Variants in FBXW7 observed in about 807,000 individuals in gnomAD.
FBXW7 encodes the protein F-box/WD repeat-containing protein 7.
In FBXW7, 11 loss-of-function variants were observed where a neutral mutation model predicts 86.3. The ratio of observed to expected loss-of-function variants is 0.13; its 90% CI spans 0.08 to 0.21. FBXW7 has a LOEUF of 0.21. Ranked by LOEUF, FBXW7 falls within the 10% of genes least tolerant of loss-of-function variation. The probability of loss-of-function intolerance (pLI) is 1.00; values close to 1 mark genes in which losing one functional copy is unlikely to be tolerated. For missense variants in FBXW7, 488 were observed against 847.4 expected, an observed-to-expected ratio of 0.58 and a Z score of 5.27; for synonymous variants, 313 against 297.9, an observed-to-expected ratio of 1.05 and a Z score of -0.52.
chr4:152,480,272 T>C (rs1744760773), intron 2 of FBXW7, among the ~76,000 whole-genome samples: 1 of 152,144 alleles, frequency 6.6e-6, no homozygotes, highest in Non-Finnish European at 1.5e-5. Flanking sequence ...TCTGTGATCT[T>C]TGATGTTACT....
At chr4:152,512,164 T>C (rs953671125) in intron 2 of FBXW7, among the ~76,000 whole-genome samples, 1 of 152,218 alleles carries the variant, frequency 6.6e-6, no homozygotes, top group South Asian at 2.1e-4. Flanking sequence ...AAATTCTCCA[T>C]ACTACACATA....
intron 4 of FBXW7, among the ~76,000 whole-genome samples, chr4:152,384,055 G>T (rs531256627): frequency 6.6e-6 from 1 of 152,306 alleles, no homozygotes; most frequent in South Asian, 2.1e-4. Flanking sequence ...GGGGAAATCA[G>T]AACCCTTGTG....
chr4:152,525,717 A>T (rs1243005195), intron 2 of FBXW7, among the ~76,000 whole-genome samples: 4 of 152,098 alleles, frequency 2.6e-5, no homozygotes, highest in Admixed American at 2.6e-4. Context: ...GGGCATTTAG[A>T]TTGATTCCAC....
intron 2 of FBXW7, among the ~76,000 whole-genome samples, chr4:152,509,626 AT>A (rs1410533336): frequency 1.3e-5 from 2 of 152,242 alleles, no homozygotes; most frequent in Non-Finnish European, 2.9e-5. Context: ...ACAATCATGA[AT>A]AATCTTATAT....
At chr4:152,323,280 AC>A (rs1728709103) in intron 13 of FBXW7, 131 bp from the exon 14 acceptor site, 5 of 1,083,508 alleles carry the variant, frequency 4.6e-6, no homozygotes, top group Non-Finnish European at 6.4e-6. Context: ...ATATTTAGAA[AC>A]CCATGTCCTC....
chr4:152,337,716 ATTAGCATGACAATGT>A, intron 7 of FBXW7, 71 bp downstream of exon 7: 1 of 1,374,348 alleles, frequency 7.3e-7, no homozygotes, highest in Non-Finnish European at 9.9e-7. Context: ...GAATACCATA[ATTAGCATGACAATGT>A]TTAAAGGTGG....
rs1730304525 is a variant in FBXW7 at position 152,337,834 on chromosome 4, GA to G, written c.828del (p.Gln277AsnfsTer65). 6.2e-7 allele frequency: 1 copy of G among 1,611,994 alleles called. No individual in the cohort carries two copies. The highest frequency in any genetic ancestry group is 1.7e-5 in the Admixed American group (1 of 59,650). On this transcript the variant is annotated frameshift_variant, in exon 7 of 14. Transcript: ENST00000281708. LOFTEE classifies it high-confidence loss of function. ...KHMMQVIEPQ[F>X]QRDFISLLPK... ...GGGAGCAATGAAATGAAGTCTCGTTGAAACTGGGGTTCTATCACTTGCATCA... is the reference window on the plus strand; with the variant it reads ...GGGAGCAATGAAATGAAGTCTCGTTGAACTGGGGTTCTATCACTTGCATCA...
rs10017070 is a variant in FBXW7, at chr4:152,463,063, G to A, written c.-119-50534C>T. ...AGCACTTTGGGAGGCTGAGACAGGTGGGTCACTTGAGGCCAGGAGTTCAAG... is the reference window on the plus strand; with the variant it reads ...AGCACTTTGGGAGGCTGAGACAGGTAGGTCACTTGAGGCCAGGAGTTCAAG... On this transcript the variant is annotated intron_variant, in intron 2 of 13. Transcript: ENST00000281708. 5.1e-3 allele frequency among the ~76,000 whole-genome samples: 775 copies of A among 151,846 alleles called. 4 individuals carry two copies. Among genetic ancestry groups the A allele is most frequent in the African/African-American group, 0.018 (745 of 41,404 alleles).
chr4:152,405,754 A>T (rs1467490910), intron 4 of FBXW7, among the ~76,000 whole-genome samples: 8 of 152,228 alleles, frequency 5.3e-5, no homozygotes, highest in Non-Finnish European at 1.5e-5. Context: ...AAGTCTGTTA[A>T]ATTATTCAGC....
At chr4:152,431,950 C>A (rs928734386) in intron 2 of FBXW7, among the ~76,000 whole-genome samples, 1 of 152,170 alleles carries the variant, frequency 6.6e-6, no homozygotes, top group Non-Finnish European at 1.5e-5. Context: ...GTACTTGCTA[C>A]TCTTCAGAGT....
At chr4:152,426,873 AG>A (rs1158232142) in intron 2 of FBXW7, among the ~76,000 whole-genome samples, 1 of 152,208 alleles carries the variant, frequency 6.6e-6, no homozygotes, top group Non-Finnish European at 1.5e-5. Flanking sequence ...AGGAAAGAGA[AG>A]GGCCACAAGA....
chr4:152,508,888 T>C (rs756640502), intron 2 of FBXW7, among the ~76,000 whole-genome samples: 4 of 151,884 alleles, frequency 2.6e-5, no homozygotes, highest in Non-Finnish European at 4.4e-5. Context: ...GAACTGAAAA[T>C]TAGTATCACT....
intron 2 of FBXW7, among the ~76,000 whole-genome samples, chr4:152,493,764 T>C (rs1746071485): frequency 1.3e-5 from 2 of 152,202 alleles, no homozygotes; most frequent in African/African-American, 4.8e-5. Flanking sequence ...CCTTGATCTT[T>C]GACATCCAGC....
At chr4:152,339,406 T>C (rs907278111) in intron 6 of FBXW7, among the ~76,000 whole-genome samples, 1 of 152,252 alleles carries the variant, frequency 6.6e-6, no homozygotes, top group Non-Finnish European at 1.5e-5. Flanking sequence ...CTCACATAAC[T>C]TCAAACACTG....
At chr4:152,521,454 G>C (rs1749004781) in intron 2 of FBXW7, among the ~76,000 whole-genome samples, 1 of 152,182 alleles carries the variant, frequency 6.6e-6, no homozygotes, top group South Asian at 2.1e-4. Flanking sequence ...GTACATACAT[G>C]CTGTATATAC....
rs1737929844 is a variant in FBXW7, at chr4:152,411,274, C to T, written c.501+29G>A. On this transcript the variant is annotated intron_variant, in intron 4 of 13. Coordinates refer to ENST00000281708, the MANE Select transcript of FBXW7 (RefSeq NM_001349798.2). ...ATTAAAATAGATATGTAAAGTTTCT[C>T]AGGTTAACAATATATTGAATATACT... 5.3e-6 allele frequency: 8 copies of T among 1,522,566 alleles called. No individual in the cohort carries two copies. The South Asian group carries it at 1.1e-4, about 20-fold the overall frequency. The allele number at this position is 1,522,566 out of a possible 1,614,324, so 94.3% of individuals were successfully genotyped here.
intron 2 of FBXW7, among the ~76,000 whole-genome samples, chr4:152,430,010 T>C (rs1739748417): frequency 6.6e-6 from 1 of 152,198 alleles, no homozygotes; most frequent in Admixed American, 6.5e-5. Flanking sequence ...TACTCTAATT[T>C]TGCCTGTGCA....
At chr4:152,513,364 C>A (rs1028741604) in intron 2 of FBXW7, among the ~76,000 whole-genome samples, 6 of 152,170 alleles carry the variant, frequency 3.9e-5, no homozygotes, top group African/African-American at 1.4e-4. Context: ...ATTGAAGTTT[C>A]TATTGTTAAC....
chr4:152,340,104 T>A (rs900112347), intron 6 of FBXW7, among the ~76,000 whole-genome samples: 5 of 152,008 alleles, frequency 3.3e-5, no homozygotes, highest in African/African-American at 1.2e-4. Flanking sequence ...AAAAAGTACA[T>A]GGAAAAAAAT....
Sources: allele counts gnomAD v4.1 joint callset (sites outside exome capture counted in the v4.1 genomes callset), GRCh38; gene constraint gnomAD v4.1.1; transcripts MANE v1.5; gene names NCBI Gene and HGNC (gene_info 2026-07-23, HGNC 2026-07-21).